The following R3HCC1L variants were observed in gnomAD, a reference collection of about 807,000 sequenced individuals.
The protein encoded by R3HCC1L is coiled-coil domain-containing protein R3HCC1L.
In R3HCC1L, 51 loss-of-function variants were observed where a neutral mutation model predicts 59.9. The observed-to-expected ratio is 0.85, with a 90% confidence interval of 0.68 to 1.07. The LOEUF (loss-of-function observed/expected upper bound fraction) is 1.07. Ranked by LOEUF, R3HCC1L falls within the 50% of genes least tolerant of loss-of-function variation. R3HCC1L has a pLI of 0.00. For synonymous variants in R3HCC1L, 322 were observed against 315.2 expected (o/e 1.02, Z -0.23); for missense variants, 965 against 933.0 (o/e 1.03, Z -0.45).
At chr10:98,175,611 T>C (rs943188854) in intron 4 of R3HCC1L, among the ~76,000 whole-genome samples, 3 of 152,180 alleles carry the variant, frequency 2.0e-5, no homozygotes, top group African/African-American at 7.2e-5. Flanking sequence ...GCCATCCTTA[T>C]ATCTTCTTTG....
rs1049735111 is a variant in R3HCC1L, at chr10:98,244,532, C to A, written c.*374C>A. 2.6e-5 allele frequency: 5 copies of A among 190,136 alleles called. No homozygotes were observed. The South Asian group carries it at 5.5e-4, about 21-fold the overall frequency. 11.8% of individuals were successfully genotyped at this position (190,136 alleles called of 1,614,324 possible). On this transcript the variant is annotated 3_prime_UTR_variant, in exon 10 of 10. Transcript: ENST00000298999. ...AACCGCAAGTATGGGAGATTTAGGC[C>A]CTGCAGAGGCAGACCATTCCTTAGT...
At chr10:98,226,767 A>G (rs1054535743) in intron 5 of R3HCC1L, among the ~76,000 whole-genome samples, 3 of 152,240 alleles carry the variant, frequency 2.0e-5, no homozygotes, top group Admixed American at 6.5e-5. Context: ...AGTTATTCCA[A>G]ACTGTTAACA....
chr10:98,197,922 GT>G (rs1483855152), intron 4 of R3HCC1L, among the ~76,000 whole-genome samples: 1 of 152,086 alleles, frequency 6.6e-6, no homozygotes, highest in Non-Finnish European at 1.5e-5. Flanking sequence ...AGTTTTGAGG[GT>G]GGTAATGGAG....
At chr10:98,215,443 G>A (rs1357395977) in intron 5 of R3HCC1L, among the ~76,000 whole-genome samples, 1 of 152,016 alleles carries the variant, frequency 6.6e-6, no homozygotes, top group Non-Finnish European at 1.5e-5. Context: ...CATAAAAAAT[G>A]TAGTAAAATA....
chr10:98,224,046 A>G (rs1040608693), intron 5 of R3HCC1L, among the ~76,000 whole-genome samples: 1 of 152,070 alleles, frequency 6.6e-6, no homozygotes, highest in Non-Finnish European at 1.5e-5. Flanking sequence ...TTGCACTTGA[A>G]TGCAGGCTGT....
At chr10:98,234,384 G>A in intron 6 of R3HCC1L, 62 bp from the exon 7 acceptor site, 1 of 1,390,330 alleles carries the variant, frequency 7.2e-7, no homozygotes, top group Non-Finnish European at 1.0e-6. Flanking sequence ...GATTCTATTT[G>A]TGAGATGTTT....
chr10:98,218,722 T>C (rs1435528277), intron 5 of R3HCC1L, among the ~76,000 whole-genome samples: 1 of 152,186 alleles, frequency 6.6e-6, no homozygotes, highest in Non-Finnish European at 1.5e-5. Context: ...ATCCAATGTT[T>C]CTCTGTTGAT....
chr10:98,142,374 G>A (rs115854668), intron 1 of R3HCC1L, among the ~76,000 whole-genome samples: 5,436 of 150,504 alleles, frequency 0.036, 289 homozygotes, highest in African/African-American at 0.12. Context: ...TTCTTTTTTT[G>A]TACCTGTAAT....
Position 98,244,316 on chromosome 10 carries a change from A to C in R3HCC1L, c.*158A>C. 1.6e-6 allele frequency: 1 copy of C among 624,904 alleles called. No homozygotes were observed. The highest frequency in any genetic ancestry group is 2.7e-6 in the Non-Finnish European group (1 of 367,580). The allele number at this position is 624,904 out of a possible 1,614,324, so 38.7% of individuals were successfully genotyped here. ...CTGACTGGGTATAGAAGGAAGACAG[A>C]CTCCTGTCTTCACTCCTAAATGCAG... On this transcript the variant is annotated 3_prime_UTR_variant, in exon 10 of 10. Coordinates refer to ENST00000298999, the MANE Select transcript of R3HCC1L (RefSeq NM_001351015.2).
chr10:98,185,028 G>C (rs961326818), intron 4 of R3HCC1L, among the ~76,000 whole-genome samples: 4 of 152,052 alleles, frequency 2.6e-5, no homozygotes, highest in Admixed American at 2.6e-4. Flanking sequence ...TTGTGATTTT[G>C]CACAACATCC....
At chr10:98,191,318 G>A (rs1202365178) in intron 4 of R3HCC1L, among the ~76,000 whole-genome samples, 3 of 152,140 alleles carry the variant, frequency 2.0e-5, no homozygotes, top group African/African-American at 7.2e-5. Context: ...AGCATCTGTT[G>A]TTTTCTGACT....
chr10:98,182,479 G>A (rs1053597542), intron 4 of R3HCC1L, among the ~76,000 whole-genome samples: 3 of 152,138 alleles, frequency 2.0e-5, no homozygotes, highest in Non-Finnish European at 4.4e-5. Flanking sequence ...TCCCAGTTAG[G>A]CTACATGGGG....
intron 4 of R3HCC1L, among the ~76,000 whole-genome samples, chr10:98,207,132 C>T (rs1353984660): frequency 6.6e-6 from 1 of 152,048 alleles, no homozygotes; most frequent in African/African-American, 2.4e-5. Context: ...TTGAAATGTA[C>T]GTTGTGAAAT....
intron 9 of R3HCC1L, among the ~76,000 whole-genome samples, chr10:98,240,798 T>C (rs1425596420): frequency 5.7e-4 from 3 of 5,222 alleles, no homozygotes; most frequent in African/African-American, 6.4e-4. Context: ...TCTAACCACA[T>C]TTTTTTTTTT....
intron 5 of R3HCC1L, among the ~76,000 whole-genome samples, chr10:98,220,191 T>C (rs1854708507): frequency 6.6e-6 from 1 of 152,112 alleles, no homozygotes; most frequent in Non-Finnish European, 1.5e-5. Flanking sequence ...CATTGAGTTC[T>C]TCAGTTCAGG....
chr10:98,197,876 A>T (rs1272874449), intron 4 of R3HCC1L, among the ~76,000 whole-genome samples: 6 of 152,176 alleles, frequency 3.9e-5, no homozygotes, highest in African/African-American at 1.2e-4. Context: ...AGAAAAGGTA[A>T]CCTTTTCTAT....
chr10:98,202,781 G>A (rs1179967875), intron 4 of R3HCC1L, among the ~76,000 whole-genome samples: 2 of 151,844 alleles, frequency 1.3e-5, no homozygotes, highest in Non-Finnish European at 2.9e-5. Context: ...ACTTGAACCT[G>A]CGAGGCGGAG....
Position 98,211,411 on chromosome 10 carries a change from A to G in R3HCC1L, c.1785+1512A>G. 4 of 1,486,554 alleles carry G rather than the reference A, an allele frequency of 2.7e-6. No homozygotes were observed. In the South Asian group the frequency reaches 5.2e-5, roughly 20 times the overall value. The allele number at this position is 1,486,554 out of a possible 1,614,324, so 92.1% of individuals were successfully genotyped here. A position where few individuals can be genotyped will look rare whatever the true frequency, so the allele number is the denominator to read the frequency against. On this transcript the variant is annotated intron_variant, in intron 5 of 9. Coordinates refer to ENST00000298999, the MANE Select transcript of R3HCC1L (RefSeq NM_001351015.2). ...AACTGCAAATGACTGTCAGCCCATA[A>G]TTAGAAAAATACTGTTCAGTAGAGG...
At chr10:98,220,703 T>C (rs1328922225) in intron 5 of R3HCC1L, among the ~76,000 whole-genome samples, 2 of 151,632 alleles carry the variant, frequency 1.3e-5, no homozygotes, top group African/African-American at 4.8e-5. Context: ...ACAAAGGACA[T>C]GAACTCATCA....
Sources: allele counts gnomAD v4.1 joint callset (sites outside exome capture counted in the v4.1 genomes callset), GRCh38; gene constraint gnomAD v4.1.1; transcripts MANE v1.5; gene names NCBI Gene and HGNC (gene_info 2026-07-23, HGNC 2026-07-21).